The following SPPL3 variants were observed in gnomAD, a reference collection of about 807,000 sequenced individuals.
The protein encoded by SPPL3 is signal peptide peptidase-like 3.
Under a neutral mutation model 42.4 loss-of-function variants are expected in SPPL3, and 5 were observed. That is an observed-to-expected ratio of 0.12 (90% CI 0.06 to 0.25). SPPL3 has a LOEUF of 0.25. SPPL3 is among the 10% of genes least tolerant of loss of function. The probability of loss-of-function intolerance (pLI) is 1.00; values close to 1 mark genes in which losing one functional copy is unlikely to be tolerated. For missense variants in SPPL3, 235 were observed against 489.0 expected (o/e 0.48, Z 4.90); for synonymous variants, 195 against 181.8 (o/e 1.07, Z -0.58).
chr12:120,767,460 C>A lies in SPPL3; in HGVS notation c.907G>T (p.Ala303Ser), dbSNP rs1160358681. 1 of 1,614,152 alleles carries A rather than the reference C, an allele frequency of 6.2e-7. No individual in the cohort carries two copies. The highest frequency in any genetic ancestry group is 8.5e-7 in the Non-Finnish European group (1 of 1,180,042). Residue 303 changes from alanine to serine, a missense_variant, in exon 9 of 11, where the codon GCC becomes TCC. By Grantham distance (99) the Ala-to-Ser change is moderately conservative. Transcript: ENST00000353487. ...TTCTGCATGCGCCCGGAGATGTTGG[C>A]AGGTCCAGGGGCCCCACAGGAGTCC... Reference protein sequence around the residue: ...SGDSCGAPGPANISGRMQKVS... With the variant: ...SGDSCGAPGPSNISGRMQKVS...
intron 1 of SPPL3, among the ~76,000 whole-genome samples, chr12:120,884,474 TTAAATATTAGG>T (rs1208097621): frequency 6.6e-6 from 1 of 152,008 alleles, no homozygotes; most frequent in Non-Finnish European, 1.5e-5. Flanking sequence ...TCTAAGTAAG[TTAAATATTAGG>T]TAATTAGGAT....
chr12:120,865,634 T>C (rs1208362288), intron 1 of SPPL3, among the ~76,000 whole-genome samples: 1 of 152,236 alleles, frequency 6.6e-6, no homozygotes, highest in African/African-American at 2.4e-5. Flanking sequence ...GGATAGTAGA[T>C]GCATTCTAAG....
At chr12:120,893,366 C>T (rs371605798) in intron 1 of SPPL3, among the ~76,000 whole-genome samples, 3 of 151,986 alleles carry the variant, frequency 2.0e-5, no homozygotes, top group African/African-American at 7.3e-5. Flanking sequence ...AGGAGAATGG[C>T]GTGAAAAAAA....
intron 4 of SPPL3, 152 bp from the exon 5 acceptor site, chr12:120,783,904 C>A: frequency 1.7e-6 from 1 of 599,566 alleles, no homozygotes; most frequent in Non-Finnish European, 2.8e-6. Flanking sequence ...CAAAAAATCT[C>A]TTCATTATTA....
At position 120,804,133 on chromosome 12, in the gene SPPL3, T is replaced by C. The variant is rs76180453; in HGVS notation, c.101+6676A>G. ...ACTGCCCTCATTACCTAAGAAAGCA[T>C]TGGTAGGTGCTTGCCTTTACAAAAA... On this transcript the variant is annotated intron_variant, in intron 2 of 10. Coordinates refer to ENST00000353487, the MANE Select transcript of SPPL3 (RefSeq NM_139015.5). Among the ~76,000 whole-genome samples, 19 of 152,260 alleles carry C rather than the reference T, an allele frequency of 1.2e-4. 1 individual carries two copies. The East Asian group carries it at 2.5e-3, about 20-fold the overall frequency.
At chr12:120,840,610 T>C (rs1367284392) in intron 1 of SPPL3, among the ~76,000 whole-genome samples, 1 of 151,876 alleles carries the variant, frequency 6.6e-6, no homozygotes, top group East Asian at 1.9e-4. Context: ...GGCAGGTAGA[T>C]CGATTGAGCT....
At chr12:120,783,234 T>G (rs1379526779) in intron 5 of SPPL3, among the ~76,000 whole-genome samples, 2 of 152,192 alleles carry the variant, frequency 1.3e-5, no homozygotes, top group Non-Finnish European at 2.9e-5. Context: ...CAGAATTTTG[T>G]TTCCGTGCAG....
intron 2 of SPPL3, among the ~76,000 whole-genome samples, chr12:120,808,895 T>C (rs150709170): frequency 6.6e-6 from 1 of 152,226 alleles, no homozygotes; most frequent in Non-Finnish European, 1.5e-5. Context: ...GAAATATTAA[T>C]GCATTATATA....
chr12:120,794,932 T>C (rs1236023288), intron 2 of SPPL3, among the ~76,000 whole-genome samples: 1 of 152,220 alleles, frequency 6.6e-6, no homozygotes, highest in East Asian at 1.9e-4. Flanking sequence ...GGGTCTATAG[T>C]ATACATCTTT....
intron 1 of SPPL3, among the ~76,000 whole-genome samples, chr12:120,844,596 T>A (rs958160856): frequency 6.6e-6 from 1 of 152,200 alleles, no homozygotes; most frequent in Non-Finnish European, 1.5e-5. Context: ...TCAGTTTCAC[T>A]GGTCTTCTTT....
intron 1 of SPPL3, among the ~76,000 whole-genome samples, chr12:120,814,907 T>C (rs1345045994): frequency 6.6e-6 from 1 of 152,220 alleles, no homozygotes; most frequent in Non-Finnish European, 1.5e-5. Flanking sequence ...TATCAGGATG[T>C]GGAGAACTTC....
At chr12:120,833,084 T>C (rs980124360) in intron 1 of SPPL3, among the ~76,000 whole-genome samples, 3 of 152,288 alleles carry the variant, frequency 2.0e-5, no homozygotes, top group East Asian at 1.9e-4. Flanking sequence ...GAAGAAGAGA[T>C]TGCTTCCATC....
intron 2 of SPPL3, among the ~76,000 whole-genome samples, chr12:120,809,880 C>T (rs1231940905): frequency 6.6e-6 from 1 of 152,126 alleles, no homozygotes. Flanking sequence ...ATGGCTCAAC[C>T]TTGGATGTCA....
At position 120,783,656 on chromosome 12, in the gene SPPL3, A is replaced by G. The variant is rs772320513; in HGVS notation, c.389+18T>C. ...ATATACAAGTTTATAATTTAAGAGG[A>G]AAGTCCCAAGTCCTTACTTGTTCTG... On this transcript the variant is annotated intron_variant, in intron 5 of 10. Coordinates refer to ENST00000353487, the MANE Select transcript of SPPL3 (RefSeq NM_139015.5). 1.0e-5 allele frequency: 16 copies of G among 1,582,024 alleles called. No individual in the cohort carries two copies. The African/African-American group carries it at 2.0e-4, about 20-fold the overall frequency.
intron 1 of SPPL3, chr12:120,903,551 C>T (rs1874051202): frequency 2.4e-6 from 1 of 408,302 alleles, no homozygotes; most frequent in South Asian, 3.4e-5. Context: ...CGTGGGATTC[C>T]CACCCCCGGG....
intron 3 of SPPL3, among the ~76,000 whole-genome samples, chr12:120,789,824 CAAAAAAAAAA>C (rs3050392): frequency 3.0e-4 from 9 of 30,462 alleles, no homozygotes; most frequent in Admixed American, 8.7e-4. Context: ...GACTCCGTCT[CAAAAAAAAAA>C]AAAAAAAAAA....
intron 1 of SPPL3, among the ~76,000 whole-genome samples, chr12:120,851,451 T>G (rs952185379): frequency 6.6e-6 from 1 of 152,140 alleles, no homozygotes; most frequent in Non-Finnish European, 1.5e-5. Flanking sequence ...ATTTTTTTTT[T>G]TGTGGCATAC....
At chr12:120,843,222 A>G (rs1387273787) in intron 1 of SPPL3, among the ~76,000 whole-genome samples, 1 of 152,194 alleles carries the variant, frequency 6.6e-6, no homozygotes, top group Non-Finnish European at 1.5e-5. Context: ...CACATTAGAT[A>G]AAAAGTACGT....
At chr12:120,897,517 A>G (rs1022064278) in intron 1 of SPPL3, among the ~76,000 whole-genome samples, 15 of 152,072 alleles carry the variant, frequency 9.9e-5, no homozygotes, top group Non-Finnish European at 1.8e-4. Context: ...AGGTCAGGAG[A>G]TCAAGACCAT....
Sources: allele counts gnomAD v4.1 joint callset (sites outside exome capture counted in the v4.1 genomes callset), GRCh38; gene constraint gnomAD v4.1.1; transcripts MANE v1.5; gene names NCBI Gene and HGNC (gene_info 2026-07-23, HGNC 2026-07-21).